DPYS: variants seen among roughly 807,000 people sequenced by gnomAD.
The protein encoded by DPYS is dihydropyrimidine amidohydrolase.
Under a neutral mutation model 50.3 loss-of-function variants are expected in DPYS, and 39 were observed. The ratio of observed to expected loss-of-function variants is 0.78; its 90% CI spans 0.60 to 1.01. DPYS has a LOEUF of 1.01. Ranked by LOEUF, DPYS falls within the 50% of genes least tolerant of loss-of-function variation. DPYS has a pLI of 0.00. For missense variants in DPYS, 659 were observed against 680.9 expected, an observed-to-expected ratio of 0.97 and a Z score of 0.36; for synonymous variants, 245 against 250.7, an observed-to-expected ratio of 0.98 and a Z score of 0.22.
chr8:104,428,186 A>G lies in DPYS; in HGVS notation c.951-65T>C, dbSNP rs571826456. On this transcript the variant is annotated intron_variant, in intron 5 of 9. Transcript: ENST00000351513. ...CAGAATATGTTAGGAGGAAACTGCC[A>G]TAACCTTTCCTAATCTCCTGGCTCC... The G allele has an allele frequency of 1.0e-4, 163 of 1,600,818 alleles. No homozygotes were observed. The African/African-American group carries it at 1.9e-3, about 19-fold the overall frequency.
chr8:104,452,386 G>A (rs758227083), intron 1 of DPYS, among the ~76,000 whole-genome samples: 9 of 152,182 alleles, frequency 5.9e-5, no homozygotes, highest in Non-Finnish European at 1.3e-4. Context: ...GACCTGGGAG[G>A]CTCACGGACA....
chr8:104,384,770 A>T (rs963455930), intron 8 of DPYS, among the ~76,000 whole-genome samples: 4 of 152,252 alleles, frequency 2.6e-5, no homozygotes, highest in African/African-American at 9.6e-5. Flanking sequence ...TAATTCTTAC[A>T]GGACATTTAT....
At chr8:104,393,038 A>T in intron 7 of DPYS, 47 bp from the exon 8 acceptor site, 1 of 1,541,066 alleles carries the variant, frequency 6.5e-7, no homozygotes, top group South Asian at 1.1e-5. Flanking sequence ...TCACCAGCTC[A>T]CTTGATAAAT....
intron 7 of DPYS, among the ~76,000 whole-genome samples, chr8:104,412,949 A>G (rs572494372): frequency 2.0e-5 from 3 of 152,328 alleles, no homozygotes; most frequent in African/African-American, 7.2e-5. Flanking sequence ...AGATAAAAGC[A>G]TAAGAGAGAG....
intron 7 of DPYS, among the ~76,000 whole-genome samples, chr8:104,408,573 T>C (rs1049428170): frequency 1.3e-5 from 2 of 152,232 alleles, no homozygotes; most frequent in African/African-American, 4.8e-5. Context: ...TTTGAAACAG[T>C]AATTTTCTTT....
At chr8:104,424,527 G>C in intron 6 of DPYS, 138 bp from the exon 7 acceptor site, 2 of 900,478 alleles carry the variant, frequency 2.2e-6, no homozygotes, top group Non-Finnish European at 3.4e-6. Context: ...GAGGATGCTG[G>C]TAAGTATTAA....
intron 4 of DPYS, among the ~76,000 whole-genome samples, chr8:104,438,553 G>A (rs546063597): frequency 1.3e-5 from 2 of 152,086 alleles, no homozygotes; most frequent in Non-Finnish European, 2.9e-5. Flanking sequence ...GCAAGTTAGT[G>A]CTATAAATTT....
intron 6 of DPYS, 141 bp downstream of exon 6, chr8:104,427,839 T>C: frequency 2.6e-6 from 3 of 1,167,564 alleles, no homozygotes; most frequent in Non-Finnish European, 3.9e-6. Flanking sequence ...GTCGAGGTGA[T>C]AGTATTGCAT....
intron 3 of DPYS, among the ~76,000 whole-genome samples, 172 bp downstream of exon 3, chr8:104,447,152 A>T (rs896488560): frequency 6.6e-6 from 1 of 152,154 alleles, no homozygotes; most frequent in Non-Finnish European, 1.5e-5. Context: ...AAGGAAATGG[A>T]GTTGGGAGTT....
Position 104,442,640 on chromosome 8 carries a change from A to T in DPYS, c.793+1608T>A, listed in dbSNP as rs181331694. 7.9e-5 allele frequency among the ~76,000 whole-genome samples: 12 copies of T among 152,348 alleles called. No homozygotes were observed. In the East Asian group the frequency reaches 2.1e-3, roughly 27 times the overall value. ...TAAGATATTATTAAATCCTAGGTGA[A>T]ATAAGCCTACACTTAAGGCAAGATG... On this transcript the variant is annotated intron_variant, in intron 4 of 9. Coordinates refer to ENST00000351513, the MANE Select transcript of DPYS (RefSeq NM_001385.3).
At chr8:104,441,745 C>T (rs1476217605) in intron 4 of DPYS, among the ~76,000 whole-genome samples, 1 of 152,150 alleles carries the variant, frequency 6.6e-6, no homozygotes, top group Non-Finnish European at 1.5e-5. Context: ...GTGTCTTTCA[C>T]AAATTGAAAT....
At position 104,451,256 on chromosome 8, in the gene DPYS, C is replaced by T. The variant is rs774690208; in HGVS notation, c.413G>A (p.Trp138Ter). ...ATCCAGGTGCTTTACCTGGTCACTC[C>T]ACCACGTCACTGCCACATGAAGGCT... ...DYSLHVAVTWWSDQVKEEMKI... is the reference protein window; with the variant it reads ...DYSLHVAVTW Residue 138 changes from tryptophan (W) to a stop codon, truncating the protein, a stop_gained, in exon 2 of 10, where the codon TGG becomes TAG. Transcript: ENST00000351513. LOFTEE classifies it high-confidence loss of function. The T allele has an allele frequency of 3.1e-6, 5 of 1,613,912 alleles. No individual in the cohort carries two copies. Among genetic ancestry groups the T allele is most frequent in the Non-Finnish European group, 4.2e-6 (5 of 1,179,998 alleles).
At position 104,381,327 on chromosome 8, in the gene DPYS, A is replaced by C; in HGVS notation, c.1444-13T>G. 1 of 1,603,820 alleles carries C rather than the reference A, an allele frequency of 6.2e-7. No individual in the cohort carries two copies. Among genetic ancestry groups the C allele is most frequent in the Non-Finnish European group, 8.5e-7 (1 of 1,170,688 alleles). ...TAGGTGTGCAAGTCTGAAAGAGAAC[A>C]TTTCATTTCTCTCTTGTGGTTTATT... is the stretch of plus-strand genomic sequence containing the variant. On this transcript the variant is annotated splice_polypyrimidine_tract_variant and intron_variant, in intron 8 of 9. Coordinates refer to ENST00000351513, the MANE Select transcript of DPYS (RefSeq NM_001385.3).
At chr8:104,385,630 T>C (rs1811188647) in intron 8 of DPYS, among the ~76,000 whole-genome samples, 2 of 152,248 alleles carry the variant, frequency 1.3e-5, no homozygotes, top group African/African-American at 4.8e-5. Flanking sequence ...CTCAAACTCA[T>C]GTTAAAATTT....
At chr8:104,391,065 A>G (rs1292588403) in intron 8 of DPYS, among the ~76,000 whole-genome samples, 1 of 152,236 alleles carries the variant, frequency 6.6e-6, no homozygotes, top group Non-Finnish European at 1.5e-5. Flanking sequence ...GACTGAGCAT[A>G]TAAATACAGC....
chr8:104,401,385 T>C (rs962332679), intron 7 of DPYS, among the ~76,000 whole-genome samples: 2 of 151,662 alleles, frequency 1.3e-5, no homozygotes, highest in Admixed American at 1.3e-4. Flanking sequence ...CTCACCCCAG[T>C]TTACACAGCT....
In DPYS at chr8:104,412,036, T is replaced by C. The variant is rs956128311; in HGVS notation, c.1235+12211A>G. ...TAAACCTAATGTACTCTGACTCTCC[T>C]TCCCATGTGCTCTCTGGGTTGCACA... On this transcript the variant is annotated intron_variant, in intron 7 of 9. Coordinates refer to ENST00000351513, the MANE Select transcript of DPYS (RefSeq NM_001385.3). Among the ~76,000 whole-genome samples, 3 of 152,238 alleles carry C rather than the reference T, an allele frequency of 2.0e-5. No individual in the cohort carries two copies. The South Asian group carries it at 6.2e-4, about 32-fold the overall frequency.
At chr8:104,431,309 G>A (rs1332798348) in intron 4 of DPYS, among the ~76,000 whole-genome samples, 2 of 151,968 alleles carry the variant, frequency 1.3e-5, no homozygotes, top group East Asian at 3.9e-4. Flanking sequence ...TGCCAGGACT[G>A]TTTTGAAACC....
At chr8:104,449,702 T>A (rs75313510) in intron 2 of DPYS, among the ~76,000 whole-genome samples, 1,655 of 152,304 alleles carry the variant, frequency 0.011, 34 homozygotes, top group African/African-American at 0.038. Flanking sequence ...GAGAACATCA[T>A]ATGAAGATGA....
Sources: gnomAD v4.1 joint callset for allele counts (sites outside exome capture counted in the v4.1 genomes callset) on GRCh38, gnomAD v4.1.1 for gene constraint, MANE v1.5 for transcripts, NCBI Gene and HGNC (gene_info 2026-07-23, HGNC 2026-07-21) for gene names.